PPP2R5C: variants seen among roughly 807,000 people sequenced by gnomAD.
PPP2R5C encodes protein phosphatase 2 regulatory subunit B'gamma, also known as serine/threonine-protein phosphatase 2A 56 kDa regulatory subunit gamma isoform.
Under a neutral mutation model 68.9 loss-of-function variants are expected in PPP2R5C, and 7 were observed. The observed-to-expected ratio is 0.10, with a 90% CI of 0.06 to 0.19. PPP2R5C has a LOEUF of 0.19. Ranked by LOEUF, PPP2R5C falls within the 10% of genes least tolerant of loss-of-function variation. PPP2R5C has a pLI of 1.00. For missense variants in PPP2R5C, 348 were observed against 641.3 expected, an observed-to-expected ratio of 0.54 and a Z score of 4.94; for synonymous variants, 210 against 222.2, an observed-to-expected ratio of 0.95 and a Z score of 0.49.
intron 2 of PPP2R5C, among the ~76,000 whole-genome samples, chr14:101,860,011 G>GT (rs1018016644): frequency 4.6e-5 from 7 of 151,452 alleles, no homozygotes; most frequent in Non-Finnish European, 1.0e-4. Context: ...CTGCTAGATG[G>GT]TTTTTTTTAA....
Position 101,882,507 on chromosome 14 carries a change from A to G in PPP2R5C, c.405+236A>G. 2 of 381,462 alleles carry G rather than the reference A, an allele frequency of 5.2e-6. No homozygotes were observed. Among genetic ancestry groups the G allele is most frequent in the Non-Finnish European group, 9.4e-6 (2 of 212,660 alleles). The allele number at this position is 381,462 out of a possible 1,614,324, so 23.6% of individuals were successfully genotyped here. On this transcript the variant is annotated intron_variant, in intron 3 of 13. Transcript: ENST00000334743. The surrounding 1 kb of genome is among the most constrained non-coding windows in gnomAD (Gnocchi z 4.9). ...AATTGTGAGTATGTTCTCAGTGAAG[A>G]TGGCCGCTGTGTTGATGGCCGTTGA... is the stretch of plus-strand genomic sequence containing the variant.
intron 1 of PPP2R5C, among the ~76,000 whole-genome samples, chr14:101,849,877 T>G (rs2042051063): frequency 6.6e-6 from 1 of 152,230 alleles, no homozygotes; most frequent in Non-Finnish European, 1.5e-5. Flanking sequence ...CTGGCTGTTT[T>G]CATTCATGAA....
intron 2 of PPP2R5C, among the ~76,000 whole-genome samples, chr14:101,876,940 CTTTT>C (rs11318528): frequency 1.1e-4 from 10 of 90,888 alleles, no homozygotes; most frequent in African/African-American, 1.9e-4. Flanking sequence ...AGGATTTACG[CTTTT>C]TTTTTTTTTT....
At chr14:101,851,513 G>T (rs1566906289) in intron 1 of PPP2R5C, among the ~76,000 whole-genome samples, 1 of 152,162 alleles carries the variant, frequency 6.6e-6, no homozygotes, top group Non-Finnish European at 1.5e-5. Context: ...TTTGAAACTT[G>T]GCTGCTTCAG....
At chr14:101,762,044 C>T in intron 1 of PPP2R5C, 124 bp downstream of exon 1, 1 of 1,007,096 alleles carries the variant, frequency 9.9e-7, no homozygotes. Flanking sequence ...GCGGGCTTCG[C>T]GTCCCCGAGG....
chr14:101,767,918 C>G (rs2036942333), intron 2 of PPP2R5C, among the ~76,000 whole-genome samples: 2 of 152,192 alleles, frequency 1.3e-5, no homozygotes. Context: ...CTCTAGCCCC[C>G]ATTCCTGTCC....
At chr14:101,786,132 A>C (rs1405643452) in exon 3 of PPP2R5C, 1 of 1,591,150 alleles carries the variant, frequency 6.3e-7, no homozygotes, top group Non-Finnish European at 8.6e-7. Context: ...AAATTCTTCA[A>C]GGTTTAGCGC....
intron 1 of PPP2R5C, among the ~76,000 whole-genome samples, chr14:101,827,527 A>T (rs1235883206): frequency 6.6e-6 from 1 of 152,194 alleles, no homozygotes; most frequent in Non-Finnish European, 1.5e-5. Flanking sequence ...ATCTGCTGCC[A>T]TCTGCACTGG....
At chr14:101,856,595 A>G (rs1017103975) in intron 1 of PPP2R5C, 91 bp from the exon 4 acceptor site, 1 of 1,215,936 alleles carries the variant, frequency 8.2e-7, no homozygotes. Flanking sequence ...TCTCTATTCA[A>G]AATAAAAATA....
intron 5 of PPP2R5C, among the ~76,000 whole-genome samples, chr14:101,886,355 A>G (rs2044513619): frequency 6.6e-6 from 1 of 152,240 alleles, no homozygotes; most frequent in East Asian, 1.9e-4. Flanking sequence ...ATAGATTAGT[A>G]TTCCAAAGTT....
chr14:101,808,048 C>T (rs978369810), upstream of PPP2R5C, among the ~76,000 whole-genome samples: 4 of 150,962 alleles, frequency 2.6e-5, no homozygotes, highest in African/African-American at 9.8e-5. Context: ...AGCCCCTGAA[C>T]GCCTCGTTCC....
At chr14:101,823,632 A>T in intron 1 of PPP2R5C, 2 of 436,330 alleles carry the variant, frequency 4.6e-6, no homozygotes, top group Non-Finnish European at 3.1e-6. Context: ...GATTAGTCCT[A>T]CTTTGACAGC....
At chr14:101,826,062 A>G (rs527829629) in intron 1 of PPP2R5C, among the ~76,000 whole-genome samples, 9 of 152,302 alleles carry the variant, frequency 5.9e-5, no homozygotes, top group Non-Finnish European at 1.3e-4. Flanking sequence ...CCTTTATCAT[A>G]TATATGTTTT....
At chr14:101,914,080 CTTT>C (rs1276511432) in intron 12 of PPP2R5C, 3 of 446,104 alleles carry the variant, frequency 6.7e-6, no homozygotes, top group Admixed American at 4.9e-5. Context: ...GTATTGTTCT[CTTT>C]TTTCTTTTTC....
chr14:101,877,935 A>G lies in PPP2R5C; in HGVS notation c.295-4226A>G, dbSNP rs982083702. On this transcript the variant is annotated intron_variant, in intron 2 of 13. Coordinates refer to ENST00000334743, the Ensembl canonical transcript of PPP2R5C. The surrounding 1 kb of genome is among the most constrained non-coding windows in gnomAD (Gnocchi z 4.2). ...TCAAGGACGCTGTATCAGTCTGCTC[A>G]GGCTGCCGTAAGAAAATACCACAGG... is the stretch of plus-strand genomic sequence containing the variant. Among the ~76,000 whole-genome samples the G allele has an allele frequency of 6.6e-6, 1 of 152,204 alleles. No individual in the cohort carries two copies.
chr14:101,847,691 G>A (rs1213327743), intron 1 of PPP2R5C, among the ~76,000 whole-genome samples: 6 of 143,970 alleles, frequency 4.2e-5, no homozygotes, highest in Non-Finnish European at 6.0e-5. Context: ...TTCCTGAGAC[G>A]GAGTCTCTAT....
chr14:101,888,450 G>A lies in PPP2R5C; in HGVS notation c.630-1787G>A, dbSNP rs2044660800. On this transcript the variant is annotated intron_variant, in intron 5 of 13. Transcript: ENST00000334743. This position sits in a 1 kb window ranked among gnomAD's most constrained non-coding sequence, Gnocchi z 5.6. Reference sequence around the variant, plus strand: ...TCGTTCCTGTCACCCACGGCACTGAGCTCTGCCCTGGTAACGTCCCTCCCT... The same window carrying A: ...TCGTTCCTGTCACCCACGGCACTGAACTCTGCCCTGGTAACGTCCCTCCCT... 1.3e-5 allele frequency among the ~76,000 whole-genome samples: 2 copies of A among 152,064 alleles called. No homozygotes were observed. The highest frequency in any genetic ancestry group is 4.8e-5 in the African/African-American group (2 of 41,412).
At chr14:101,898,874 T>A (rs1472217804) in intron 8 of PPP2R5C, among the ~76,000 whole-genome samples, 1 of 152,220 alleles carries the variant, frequency 6.6e-6, no homozygotes, top group Non-Finnish European at 1.5e-5. Flanking sequence ...ATTTCAGCAT[T>A]GAAAGCTTGT....
intron 1 of PPP2R5C, among the ~76,000 whole-genome samples, chr14:101,849,671 A>C (rs2042031971): frequency 6.6e-6 from 1 of 152,268 alleles, no homozygotes; most frequent in African/African-American, 2.4e-5. Context: ...ATTTCAGTGT[A>C]GATATATGTA....
Sources: gnomAD v4.1 joint callset for allele counts (sites outside exome capture counted in the v4.1 genomes callset) on GRCh38, gnomAD v4.1.1 for gene constraint, Gnocchi (gnomAD v3.1) non-coding constraint, MANE v1.5 for transcripts, NCBI Gene and HGNC (gene_info 2026-07-23, HGNC 2026-07-21) for gene names.